Variants in TMCO4 observed in about 807,000 individuals in gnomAD.
TMCO4 encodes the protein transmembrane and coiled-coil domains 4, also known as transmembrane and coiled-coil domain-containing protein 4.
In TMCO4, 58 loss-of-function variants were observed where a neutral mutation model predicts 64.7. That is an observed-to-expected ratio of 0.90 (90% CI 0.73 to 1.12). TMCO4 has a LOEUF of 1.12. Ranked by LOEUF, TMCO4 falls within the 50% of genes most tolerant of loss-of-function variation. TMCO4 has a pLI of 0.00. For missense variants in TMCO4, 780 were observed against 825.9 expected (o/e 0.94, Z 0.68); for synonymous variants, 325 against 346.1 (o/e 0.94, Z 0.68).
At chr1:19,724,883 T>C (rs2095401882) in intron 13 of TMCO4, among the ~76,000 whole-genome samples, 1 of 152,202 alleles carries the variant, frequency 6.6e-6, no homozygotes, top group Non-Finnish European at 1.5e-5. Flanking sequence ...TGCCTCAGCC[T>C]CCTGAGTAGC....
rs748851417 is a variant in TMCO4, at chr1:19,683,109, C to T, written c.1836G>A (p.Met612Ile). The T allele has an allele frequency of 1.2e-6, 2 of 1,612,426 alleles. No homozygotes were observed. The highest frequency in any genetic ancestry group is 1.3e-5 in the African/African-American group (1 of 74,934). ...CGGGGCAGCCCAGTGGGTTGGGGTC[C>T]ATGCCATGGCTGCAGATGGGGGGCC... ...PERPPICSHG[M>I]DPNPLGCPDC... Residue 612 changes from methionine (M) to isoleucine (I), a missense_variant, in exon 16 of 16, where the codon ATG becomes ATA. Coordinates refer to ENST00000294543, the MANE Select transcript of TMCO4 (RefSeq NM_181719.7).
chr1:19,794,623 A>G (rs538200265), intron 2 of TMCO4, among the ~76,000 whole-genome samples: 5 of 152,348 alleles, frequency 3.3e-5, no homozygotes, highest in South Asian at 2.1e-4. Flanking sequence ...ATAACAGCAC[A>G]TGTTCCAGCA....
At chr1:19,699,486 C>CAT (rs10587817) in intron 14 of TMCO4, among the ~76,000 whole-genome samples, 9,716 of 136,180 alleles carry the variant, frequency 0.071, 341 homozygotes, top group African/African-American at 0.083. Flanking sequence ...TTTTCATATA[C>CAT]ATATATATAT....
intron 13 of TMCO4, among the ~76,000 whole-genome samples, chr1:19,703,638 C>A (rs553351634): frequency 6.6e-6 from 1 of 151,848 alleles, no homozygotes; most frequent in Admixed American, 6.6e-5. Flanking sequence ...AATTCCACCC[C>A]CCAGGTTCAA....
intron 14 of TMCO4, among the ~76,000 whole-genome samples, chr1:19,699,674 C>T (rs1422887842): frequency 6.6e-6 from 1 of 152,050 alleles, no homozygotes; most frequent in Non-Finnish European, 1.5e-5. Flanking sequence ...CTGCCTCAGC[C>T]TCCCACCATG....
At chr1:19,713,722 C>T (rs1169245693) in intron 13 of TMCO4, among the ~76,000 whole-genome samples, 3 of 150,484 alleles carry the variant, frequency 2.0e-5, no homozygotes, top group Non-Finnish European at 4.4e-5. Context: ...ACAACAACAA[C>T]AACAACAACA....
chr1:19,790,199 T>C (rs1571058210), intron 2 of TMCO4, among the ~76,000 whole-genome samples: 1 of 151,720 alleles, frequency 6.6e-6, no homozygotes, highest in Non-Finnish European at 1.5e-5. Context: ...ACTTAAAACC[T>C]AAAACTATAA....
intron 12 of TMCO4, among the ~76,000 whole-genome samples, chr1:19,739,345 G>T (rs189012254): frequency 1.3e-5 from 2 of 152,200 alleles, no homozygotes; most frequent in Non-Finnish European, 2.9e-5. Context: ...TCACAAAGTA[G>T]CTTTATACTT....
rs1361545402 is a variant in TMCO4 at position 19,694,297 on chromosome 1, T to C, written c.1500+137A>G. 3 of 716,090 alleles carry C rather than the reference T, an allele frequency of 4.2e-6. No homozygotes were observed. In the African/African-American group the frequency reaches 5.3e-5, roughly 13 times the overall value. 44.4% of individuals were successfully genotyped at this position (716,090 alleles called of 1,614,324 possible). On this transcript the variant is annotated intron_variant, in intron 15 of 15. Transcript: ENST00000294543. ...GATTACAGGCATGAGCCACTGCACC[T>C]GGCTCCAAATAAATTCTTATGATCT... is the stretch of plus-strand genomic sequence containing the variant.
At chr1:19,720,020 T>TTC (rs2095374769) in intron 13 of TMCO4, among the ~76,000 whole-genome samples, 1 of 150,202 alleles carries the variant, frequency 6.7e-6, no homozygotes, top group Admixed American at 6.6e-5. Flanking sequence ...TTTTTTTTTT[T>TTC]TTTTTGTAGA....
At chr1:19,737,650 C>T (rs571495892) in intron 12 of TMCO4, among the ~76,000 whole-genome samples, 194 bp from the exon 13 acceptor site, 1 of 152,370 alleles carries the variant, frequency 6.6e-6, no homozygotes, top group Admixed American at 6.5e-5. Flanking sequence ...TGCAGGAGTG[C>T]ACCTGCTGCT....
At chr1:19,689,762 G>A (rs1307141664) in intron 15 of TMCO4, among the ~76,000 whole-genome samples, 1 of 152,250 alleles carries the variant, frequency 6.6e-6, no homozygotes, top group Non-Finnish European at 1.5e-5. Flanking sequence ...GGGGTGCTGA[G>A]GCACAAAGTC....
intron 15 of TMCO4, among the ~76,000 whole-genome samples, chr1:19,691,163 C>T (rs369479076): frequency 2.6e-5 from 4 of 152,162 alleles, no homozygotes; most frequent in South Asian, 2.1e-4. Context: ...TCACTGCACC[C>T]GGCCCCTGTG....
At chr1:19,741,581 G>A (rs190405867) in intron 10 of TMCO4, among the ~76,000 whole-genome samples, 11 of 152,214 alleles carry the variant, frequency 7.2e-5, no homozygotes, top group South Asian at 2.1e-4. Flanking sequence ...TGTAGCGGCC[G>A]ATGCCAAGTC....
chr1:19,695,154 C>T (rs886162738), intron 14 of TMCO4, among the ~76,000 whole-genome samples: 8 of 152,194 alleles, frequency 5.3e-5, no homozygotes, highest in East Asian at 1.9e-4. Flanking sequence ...GCAGTCACAG[C>T]GCTGGGAACA....
chr1:19,684,122 A>G (rs1190744002), intron 15 of TMCO4, among the ~76,000 whole-genome samples: 1 of 141,856 alleles, frequency 7.0e-6, no homozygotes, highest in African/African-American at 2.7e-5. Context: ...TAGCATGAGA[A>G]AAAAGAAAAA....
At chr1:19,780,214 T>G (rs1389997576) in intron 4 of TMCO4, among the ~76,000 whole-genome samples, 2 of 152,146 alleles carry the variant, frequency 1.3e-5, no homozygotes, top group African/African-American at 2.4e-5. Context: ...CAACTCAACC[T>G]CTCTGCACTT....
chr1:19,766,806 C>T (rs2042753523), intron 6 of TMCO4, among the ~76,000 whole-genome samples: 1 of 152,200 alleles, frequency 6.6e-6, no homozygotes, highest in African/African-American at 2.4e-5. Flanking sequence ...TTCGTTAGAA[C>T]AGATAAAGAG....
rs1404126143 is a variant in TMCO4 at position 19,771,483 on chromosome 1, C to T, written c.180-1G>A. On this transcript the variant is annotated splice_acceptor_variant, in intron 4 of 15. Transcript: ENST00000294543. LOFTEE classifies it high-confidence loss of function. ...TGCCATGAACTCTGTGCAGAAGGAG[C>T]TGAAAGGCAGACATGGCTTAGTTCT... 1 of 1,613,354 alleles carries T rather than the reference C, an allele frequency of 6.2e-7. No individual in the cohort carries two copies. The highest frequency in any genetic ancestry group is 1.7e-5 in the Admixed American group (1 of 59,992).
Sources: gnomAD v4.1 joint callset for allele counts (sites outside exome capture counted in the v4.1 genomes callset) on GRCh38, gnomAD v4.1.1 for gene constraint, MANE v1.5 for transcripts, NCBI Gene and HGNC (gene_info 2026-07-23, HGNC 2026-07-21) for gene names.